The following NALF1 variants were observed in gnomAD, a reference collection of about 807,000 sequenced individuals.
NALF1 encodes the protein family with sequence similarity 155 member A.
NALF1 carries 3 observed loss-of-function variants against 48.4 expected under a neutral mutation model. The observed-to-expected ratio is 0.06, with a 90% CI of 0.03 to 0.16. NALF1 has a LOEUF of 0.16. Ranked by LOEUF, NALF1 falls within the 10% of genes least tolerant of loss-of-function variation. The probability of loss-of-function intolerance (pLI) is 1.00; values close to 1 mark genes in which losing one functional copy is unlikely to be tolerated. For missense variants in NALF1, 526 were observed against 571.5 expected, an observed-to-expected ratio of 0.92 and a Z score of 0.81; for synonymous variants, 262 against 245.7, an observed-to-expected ratio of 1.07 and a Z score of -0.62.
At chr13:107,292,347 G>A (rs1189320681) in intron 1 of NALF1, among the ~76,000 whole-genome samples, 1 of 152,152 alleles carries the variant, frequency 6.6e-6, no homozygotes, top group Admixed American at 6.5e-5. Context: ...AAAAGCCTAG[G>A]ATATTACTGT....
chr13:107,201,160 CTATCTATCATCT>C (rs1388137041), intron 2 of NALF1, among the ~76,000 whole-genome samples: 3 of 146,818 alleles, frequency 2.0e-5, no homozygotes, highest in South Asian at 2.1e-4. Context: ...ATCTATCTAT[CTATCTATCATCT>C]ATCTATCTAT....
At chr13:107,188,841 A>T (rs967490519) in intron 2 of NALF1, among the ~76,000 whole-genome samples, 1 of 152,220 alleles carries the variant, frequency 6.6e-6, no homozygotes, top group African/African-American at 2.4e-5. Context: ...GGATGCTGCA[A>T]TGAATTGAAT....
At chr13:107,540,533 T>C (rs762550768) in intron 1 of NALF1, among the ~76,000 whole-genome samples, 12 of 152,022 alleles carry the variant, frequency 7.9e-5, no homozygotes, top group Non-Finnish European at 1.6e-4. Context: ...AGGCAGAAAA[T>C]ACAGACCTTT....
At chr13:107,618,483 T>C (rs905221482) in intron 1 of NALF1, among the ~76,000 whole-genome samples, 1 of 152,210 alleles carries the variant, frequency 6.6e-6, no homozygotes, top group African/African-American at 2.4e-5. Flanking sequence ...CTTAAAAAGA[T>C]GATTTGGCCA....
rs191308167 is a variant in NALF1, at chr13:107,863,171, A to G, written c.915+2511T>C. On this transcript the variant is annotated intron_variant, in intron 1 of 2. Transcript: ENST00000375915. Reference sequence around the variant, plus strand: ...TTGCATAGAACTTCTATCTTGAACAAGGCTCCTAATGATAGTCATTTCATA... The same window carrying G: ...TTGCATAGAACTTCTATCTTGAACAGGGCTCCTAATGATAGTCATTTCATA... Among the ~76,000 whole-genome samples the G allele has an allele frequency of 3.9e-5, 6 of 152,200 alleles. No individual in the cohort carries two copies. In the East Asian group the frequency reaches 9.6e-4, roughly 24 times the overall value.
chr13:107,802,328 A>G (rs568633915), intron 1 of NALF1, among the ~76,000 whole-genome samples: 1 of 152,296 alleles, frequency 6.6e-6, no homozygotes, highest in South Asian at 2.1e-4. Flanking sequence ...ACTCCTTCCT[A>G]AACATGACTT....
At chr13:107,433,091 T>C (rs1279265352) in intron 1 of NALF1, among the ~76,000 whole-genome samples, 1 of 152,202 alleles carries the variant, frequency 6.6e-6, no homozygotes, top group Non-Finnish European at 1.5e-5. Flanking sequence ...ATTTGACTAT[T>C]ATCTTGTTGT....
intron 1 of NALF1, among the ~76,000 whole-genome samples, chr13:107,240,706 T>C (rs911008556): frequency 6.6e-6 from 1 of 152,142 alleles, no homozygotes; most frequent in Non-Finnish European, 1.5e-5. Flanking sequence ...TCCATTAAAA[T>C]ATAAATTAGA....
At chr13:107,646,368 T>C (rs1195237302) in intron 1 of NALF1, among the ~76,000 whole-genome samples, 4 of 151,754 alleles carry the variant, frequency 2.6e-5, no homozygotes, top group Non-Finnish European at 5.9e-5. Context: ...ATAACAGTAG[T>C]ATCTTCCAAA....
At chr13:107,543,146 T>A (rs1272264986) in intron 1 of NALF1, among the ~76,000 whole-genome samples, 2 of 152,062 alleles carry the variant, frequency 1.3e-5, no homozygotes, top group African/African-American at 4.8e-5. Flanking sequence ...AGCCAAATGA[T>A]TATCTTTTGA....
At chr13:107,225,095 G>A (rs1391869543) in intron 1 of NALF1, among the ~76,000 whole-genome samples, 20 of 152,014 alleles carry the variant, frequency 1.3e-4, no homozygotes, top group African/African-American at 4.3e-4. Context: ...TGCAACCTCC[G>A]CCTCCAGGGC....
intron 1 of NALF1, among the ~76,000 whole-genome samples, chr13:107,829,284 G>T (rs866145486): frequency 6.6e-6 from 1 of 152,154 alleles, no homozygotes; most frequent in South Asian, 2.1e-4. Flanking sequence ...CCAATATTGA[G>T]CAGTAACGAA....
At chr13:107,205,051 T>C (rs921823934) in intron 2 of NALF1, among the ~76,000 whole-genome samples, 1 of 151,984 alleles carries the variant, frequency 6.6e-6, no homozygotes, top group Non-Finnish European at 1.5e-5. Context: ...CATGTGCACA[T>C]TGTGCAGGTT....
chr13:107,346,619 C>T (rs752618605), intron 1 of NALF1, among the ~76,000 whole-genome samples: 8 of 152,048 alleles, frequency 5.3e-5, no homozygotes, highest in Admixed American at 3.9e-4. Context: ...TGGGGAGGGG[C>T]AAATGAGGAG....
intron 1 of NALF1, among the ~76,000 whole-genome samples, chr13:107,776,341 G>A (rs1471861178): frequency 1.3e-5 from 2 of 152,042 alleles, no homozygotes; most frequent in East Asian, 3.9e-4. Context: ...TGTGAAAAGG[G>A]ATTAGTCATT....
chr13:107,352,729 G>A (rs1444556137), intron 1 of NALF1, among the ~76,000 whole-genome samples: 1 of 152,182 alleles, frequency 6.6e-6, no homozygotes, highest in African/African-American at 2.4e-5. Context: ...CTGGCATTTT[G>A]ACATGTTGAG....
intron 1 of NALF1, among the ~76,000 whole-genome samples, chr13:107,612,901 T>C (rs1879273705): frequency 6.6e-6 from 1 of 151,828 alleles, no homozygotes; most frequent in Non-Finnish European, 1.5e-5. Context: ...AAATAGGACA[T>C]ACACCTCTAT....
chr13:107,260,873 C>T (rs1441631561), intron 1 of NALF1, among the ~76,000 whole-genome samples: 4 of 152,128 alleles, frequency 2.6e-5, no homozygotes, highest in East Asian at 1.9e-4. Context: ...GGGTTCTAGC[C>T]GATGGAATGC....
chr13:107,321,923 G>A (rs1410704013), intron 1 of NALF1, among the ~76,000 whole-genome samples: 1 of 152,100 alleles, frequency 6.6e-6, no homozygotes, highest in Non-Finnish European at 1.5e-5. Context: ...AAGGTAGAGT[G>A]AGATTTTTCC....
Sources: gnomAD v4.1 joint callset for allele counts (sites outside exome capture counted in the v4.1 genomes callset) on GRCh38, gnomAD v4.1.1 for gene constraint, MANE v1.5 for transcripts, NCBI Gene and HGNC (gene_info 2026-07-23, HGNC 2026-07-21) for gene names.